The following TRIM2 variants were observed in gnomAD, a reference collection of about 807,000 sequenced individuals.
The protein encoded by TRIM2 is tripartite motif-containing protein 2.
A neutral mutation model predicts 75.2 loss-of-function variants in TRIM2; 20 were observed. The ratio of observed to expected loss-of-function variants is 0.27; its 90% CI spans 0.19 to 0.39. The LOEUF is 0.39. Ranked by LOEUF, TRIM2 falls within the 10% of genes least tolerant of loss-of-function variation. TRIM2 has a pLI of 1.00. For synonymous variants in TRIM2, 373 were observed against 388.3 expected (o/e 0.96, Z 0.46); for missense variants, 660 against 990.8 (o/e 0.67, Z 4.48).
At chr4:153,188,229 G>A (rs978058795) in intron 1 of TRIM2, among the ~76,000 whole-genome samples, 1 of 152,212 alleles carries the variant, frequency 6.6e-6, no homozygotes, top group Non-Finnish European at 1.5e-5. Flanking sequence ...GGAGTCTTCA[G>A]TGGGTGGATT....
intron 1 of TRIM2, among the ~76,000 whole-genome samples, chr4:153,186,696 C>A (rs1055972617): frequency 1.3e-5 from 2 of 152,210 alleles, no homozygotes; most frequent in East Asian, 3.9e-4. Context: ...GCCTTTCCCA[C>A]GCCTGCACCA....
intron 1 of TRIM2, among the ~76,000 whole-genome samples, chr4:153,213,220 G>C (rs1400017736): frequency 6.6e-6 from 1 of 152,180 alleles, no homozygotes; most frequent in Admixed American, 6.5e-5. Flanking sequence ...CCGCACAGCT[G>C]GTCAGGGGCA....
intron 1 of TRIM2, chr4:153,257,598 G>A (rs761481947): frequency 3.3e-5 from 42 of 1,289,262 alleles, no homozygotes; most frequent in Non-Finnish European, 4.1e-5. Context: ...GATGATGGCT[G>A]CACTGCATGG....
chr4:153,315,226 A>G (rs1203408145), intron 6 of TRIM2, among the ~76,000 whole-genome samples: 1 of 152,220 alleles, frequency 6.6e-6, no homozygotes, highest in African/African-American at 2.4e-5. Context: ...TATTTTAAAC[A>G]TGTTAATATG....
chr4:153,239,708 C>T (rs866042322), intron 1 of TRIM2, among the ~76,000 whole-genome samples: 8 of 152,170 alleles, frequency 5.3e-5, no homozygotes, highest in Non-Finnish European at 1.2e-4. Flanking sequence ...TCTCCTTTCT[C>T]TTCAACACAT....
At chr4:153,184,090 C>T (rs1732346675) in intron 1 of TRIM2, among the ~76,000 whole-genome samples, 1 of 152,142 alleles carries the variant, frequency 6.6e-6, no homozygotes, top group South Asian at 2.1e-4. Flanking sequence ...ATGGGTGAAC[C>T]AAGGGTCTTT....
At chr4:153,202,481 G>T (rs1225637681), upstream of TRIM2, among the ~76,000 whole-genome samples, 1 of 151,962 alleles carries the variant, frequency 6.6e-6, no homozygotes, top group African/African-American at 2.4e-5. Context: ...CAGATCACGA[G>T]GTCAGGAGAT....
Position 153,204,564 on chromosome 4 carries a change from A to G in TRIM2, c.30+4A>G. ...GAGTGGCCGTTATGGAACGCAGGTA[A>G]GGACGCTTCTCAATGTGGGATAATT... On this transcript the variant is annotated splice_donor_region_variant and intron_variant, in intron 1 of 11. Transcript: ENST00000338700. 6.4e-7 allele frequency: 1 copy of G among 1,551,720 alleles called. No individual in the cohort carries two copies. Among genetic ancestry groups the G allele is most frequent in the East Asian group, 2.4e-5 (1 of 40,926 alleles).
intron 1 of TRIM2, among the ~76,000 whole-genome samples, chr4:153,215,780 T>C (rs1738318588): frequency 6.6e-6 from 1 of 152,184 alleles, no homozygotes; most frequent in Non-Finnish European, 1.5e-5. Flanking sequence ...CTATGATTAA[T>C]ATAAAGAATA....
At position 153,276,049 on chromosome 4, in the gene TRIM2, C is replaced by A. The variant is rs374222449; in HGVS notation, c.372C>A (p.Asn124Lys). Residue 124 changes from asparagine to lysine, a missense_variant, in exon 3 of 12, where the codon AAC (asparagine) becomes AAA (lysine). Asn to Lys is a moderately conservative substitution (Grantham distance 94, BLOSUM62 0). This residue lies in a region of TRIM2 where 620 missense variants were observed against 891.0 expected (regional missense o/e 0.70). Coordinates refer to ENST00000338700, the MANE Select transcript of TRIM2 (RefSeq NM_015271.5). ...MDVLQRTPGS[N>K]AEESSILETV... Reference sequence around the variant, plus strand: ...TGCTGCAGCGAACTCCAGGCAGCAACGCTGAGGAGTCTTCCATCCTGGAGA... The same window carrying A: ...TGCTGCAGCGAACTCCAGGCAGCAAAGCTGAGGAGTCTTCCATCCTGGAGA... The A allele has an allele frequency of 6.2e-7, 1 of 1,614,254 alleles. No homozygotes were observed. The highest frequency in any genetic ancestry group is 8.5e-7 in the Non-Finnish European group (1 of 1,180,052).
intron 3 of TRIM2, among the ~76,000 whole-genome samples, chr4:153,280,593 G>A (rs1009124479): frequency 5.9e-5 from 9 of 151,974 alleles, no homozygotes; most frequent in Non-Finnish European, 1.0e-4. Flanking sequence ...TGTTGCCCAG[G>A]CTGGTTGCAA....
intron 1 of TRIM2, among the ~76,000 whole-genome samples, chr4:153,164,951 C>A (rs1730141945): frequency 1.3e-5 from 2 of 151,960 alleles, no homozygotes; most frequent in Non-Finnish European, 2.9e-5. Flanking sequence ...ATTATTACTT[C>A]ATTTTTTTAT....
In TRIM2 at chr4:153,159,296, C is replaced by CTTTTTTTTTT. The variant is rs11318531; in HGVS notation, c.-49+6039_-49+6048dup. Among the ~76,000 whole-genome samples the CTTTTTTTTTT allele has an allele frequency of 2.9e-4, 26 of 89,160 alleles. 1 individual carries two copies. Among genetic ancestry groups the CTTTTTTTTTT allele is most frequent in the African/African-American group, 3.5e-4 (8 of 22,654 alleles). The allele number at this position is 89,160 out of a possible 152,430, so 58.5% of individuals were successfully genotyped here. A position where few individuals can be genotyped will look rare whatever the true frequency, so the allele number is the denominator to read the frequency against. On this transcript the variant is annotated intron_variant, in intron 1 of 11. Transcript: ENST00000437508. ...GAAGTTCATTGAGTTTTTACAAAAT[C>CTTTTTTTTTT]TTTTTTTTTTTTTTTTTTTTTTGTA...
Position 153,245,859 on chromosome 4 carries a change from T to C in TRIM2, c.31-24476T>C, listed in dbSNP as rs560290032. ...GCACGGCTAGTTTCTTTGTATTTTT[T>C]GTAGAGACAGGGTTTTGCCATGTTG... On this transcript the variant is annotated intron_variant, in intron 1 of 11. Transcript: ENST00000338700. Among the ~76,000 whole-genome samples the C allele has an allele frequency of 3.3e-5, 5 of 152,042 alleles. No homozygotes were observed. In the South Asian group the frequency reaches 1.0e-3, roughly 32 times the overall value.
At chr4:153,226,864 G>A (rs990741236) in intron 1 of TRIM2, among the ~76,000 whole-genome samples, 1 of 152,164 alleles carries the variant, frequency 6.6e-6, no homozygotes, top group African/African-American at 2.4e-5. Flanking sequence ...GTAGAAGAAA[G>A]GAAAGATAAT....
At chr4:153,250,266 C>T (rs1325172461) in intron 1 of TRIM2, among the ~76,000 whole-genome samples, 2 of 152,202 alleles carry the variant, frequency 1.3e-5, no homozygotes, top group East Asian at 1.9e-4. Context: ...ACTACAGGCA[C>T]GCGCCACCAT....
intron 1 of TRIM2, among the ~76,000 whole-genome samples, chr4:153,189,163 T>G (rs1419489225): frequency 6.6e-6 from 1 of 152,228 alleles, no homozygotes; most frequent in East Asian, 1.9e-4. Flanking sequence ...AGAGGCCGTT[T>G]CTAACTAGAA....
chr4:153,182,641 G>C (rs78702879), intron 1 of TRIM2, among the ~76,000 whole-genome samples: 11 of 152,032 alleles, frequency 7.2e-5, no homozygotes, highest in Admixed American at 2.0e-4. Flanking sequence ...CAGTATTTAG[G>C]GTGCACACAA....
At chr4:153,238,944 C>G (rs1455491214) in intron 1 of TRIM2, among the ~76,000 whole-genome samples, 1 of 152,170 alleles carries the variant, frequency 6.6e-6, no homozygotes, top group African/African-American at 2.4e-5. Flanking sequence ...GGCTTAACCC[C>G]ACTGTGACGG....
Sources: gnomAD v4.1 joint callset for allele counts (sites outside exome capture counted in the v4.1 genomes callset) on GRCh38, gnomAD v4.1.1 for gene constraint, gnomAD v4.1.1 regional missense constraint, MANE v1.5 for transcripts, NCBI Gene and HGNC (gene_info 2026-07-23, HGNC 2026-07-21) for gene names.